The following ADGRG7 variants were observed in gnomAD, a reference collection of about 807,000 sequenced individuals.
ADGRG7 encodes the protein adhesion G protein-coupled receptor G7.
A neutral mutation model predicts 88.6 loss-of-function variants in ADGRG7; 82 were observed. The ratio of observed to expected loss-of-function variants is 0.93; its 90% CI spans 0.77 to 1.11. The LOEUF is 1.11. Among genes scored for constraint, ADGRG7 ranks in the 50% most tolerant of loss-of-function variants. ADGRG7 has a pLI of 0.00. For missense variants in ADGRG7, 945 were observed against 953.4 expected (o/e 0.99, Z 0.12); for synonymous variants, 381 against 345.2 (o/e 1.10, Z -1.15).
intron 5 of ADGRG7, 89 bp from the exon 6 acceptor site, chr3:100,637,213 T>A (rs1707559153): frequency 1.1e-6 from 1 of 874,610 alleles, no homozygotes; most frequent in Non-Finnish European, 1.9e-6. Flanking sequence ...GTGATGCCAC[T>A]TGCTACTACA....
intron 10 of ADGRG7, among the ~76,000 whole-genome samples, chr3:100,647,810 A>G (rs1015537806): frequency 6.6e-6 from 1 of 152,222 alleles, no homozygotes; most frequent in East Asian, 1.9e-4. Flanking sequence ...TATTAATGCT[A>G]TGAATCTCCC....
At position 100,609,876 on chromosome 3, in the gene ADGRG7, G is replaced by A. The variant is rs771119399; in HGVS notation, c.20G>A (p.Trp7Ter). Residue 7 changes from tryptophan to a stop codon, truncating the protein, a stop_gained, in exon 1 of 16, where the codon TGG (tryptophan) becomes TAG (stop). Transcript: ENST00000273352. LOFTEE classifies it high-confidence loss of function. ...TTCACCATGGCTTCCTGCCGTGCCT[G>A]GAACCTTAGGGTGCTGGTGGCTGTC... The part of the protein sequence containing the change: MASCRA[W>*]NLRVLVAVVC... 6.2e-7 allele frequency: 1 copy of A among 1,613,894 alleles called. No individual in the cohort carries two copies. The highest frequency in any genetic ancestry group is 8.5e-7 in the Non-Finnish European group (1 of 1,179,838).
chr3:100,645,268 T>C (rs1247001192), intron 8 of ADGRG7, among the ~76,000 whole-genome samples: 1 of 152,246 alleles, frequency 6.6e-6, no homozygotes, highest in Admixed American at 6.5e-5. Context: ...ACAGCAGCGA[T>C]GGTCTTTCAG....
chr3:100,623,902 A>G (rs1707346727), intron 1 of ADGRG7, among the ~76,000 whole-genome samples: 1 of 152,166 alleles, frequency 6.6e-6, no homozygotes, highest in Non-Finnish European at 1.5e-5. Context: ...ATGGCTGCAT[A>G]GTATTTCATG....
Position 100,694,857 on chromosome 3 carries a change from G to A in ADGRG7, c.2250G>A (p.Val750=). The A allele has an allele frequency of 1.2e-6, 2 of 1,614,208 alleles. No individual in the cohort carries two copies. The highest frequency in any genetic ancestry group is 1.7e-6 in the Non-Finnish European group (2 of 1,180,032). The stretch of plus-strand genomic sequence containing the variant: ...GGAGAAGGAAGTCATTGCCTTCAGT[G>A]ACGCGGCCGAGGCTGCGTGTAAAGA... ...SIGRRKSLPS[V]TRPRLRVKMY... is the part of the protein sequence containing the mutation. The change falls in exon 16 of 16, where the codon GTG becomes GTA. Residue 750 remains valine, a synonymous_variant. Coordinates refer to ENST00000273352, the MANE Select transcript of ADGRG7 (RefSeq NM_032787.3).
In ADGRG7 at chr3:100,629,687, T is replaced by A. The variant is rs757059835; in HGVS notation, c.205T>A (p.Trp69Arg). The A allele has an allele frequency of 2.5e-6, 4 of 1,611,346 alleles. No homozygotes were observed. In the Admixed American group the frequency reaches 6.7e-5, roughly 27 times the overall value. Reference sequence around the variant, plus strand: ...TGGCAGATGTATTTGTACAGAAGAGTGGAAAGGACTGAGATGTACAATTGG... The same window carrying A: ...TGGCAGATGTATTTGTACAGAAGAGAGGAAAGGACTGAGATGTACAATTGG... ...ENGRCICTEE[W>R]KGLRCTIANF... Residue 69 changes from tryptophan to arginine, a missense_variant, in exon 2 of 16, where the codon TGG (tryptophan) becomes AGG (arginine). Coordinates refer to ENST00000273352, the MANE Select transcript of ADGRG7 (RefSeq NM_032787.3).
In ADGRG7 at chr3:100,617,077, T is replaced by C. The variant is rs991128639; in HGVS notation, c.115+7106T>C. Among the ~76,000 whole-genome samples the C allele has an allele frequency of 9.2e-5, 14 of 152,240 alleles. No individual in the cohort carries two copies. In the South Asian group the frequency reaches 2.7e-3, roughly 29 times the overall value. ...CTAAAAAGTTTTCTTGATTGAAGGA[T>C]GACTTTTCAAGTAGGCAAAGCAAAA... On this transcript the variant is annotated intron_variant, in intron 1 of 15. Coordinates refer to ENST00000273352, the MANE Select transcript of ADGRG7 (RefSeq NM_032787.3).
intron 15 of ADGRG7, among the ~76,000 whole-genome samples, chr3:100,677,340 C>A (rs922289502): frequency 3.3e-5 from 5 of 151,986 alleles, no homozygotes; most frequent in African/African-American, 9.7e-5. Context: ...AACTAACAAA[C>A]AAAGAGAAAA....
chr3:100,664,321 A>G (rs2094949231), intron 14 of ADGRG7, among the ~76,000 whole-genome samples: 1 of 152,160 alleles, frequency 6.6e-6, no homozygotes, highest in Admixed American at 6.5e-5. Context: ...TTATTAACCT[A>G]GACGCAAAAC....
At chr3:100,638,992 GT>G (rs1174046718) in intron 6 of ADGRG7, among the ~76,000 whole-genome samples, 4 of 149,756 alleles carry the variant, frequency 2.7e-5, no homozygotes, top group African/African-American at 7.4e-5. Flanking sequence ...TATATTCCAG[GT>G]TTTTTTCCCT....
chr3:100,677,102 T>C (rs1052175357), intron 15 of ADGRG7, among the ~76,000 whole-genome samples: 2 of 152,114 alleles, frequency 1.3e-5, no homozygotes, highest in Non-Finnish European at 2.9e-5. Flanking sequence ...TGTGTTATTA[T>C]TGATACGTAA....
intron 13 of ADGRG7, among the ~76,000 whole-genome samples, chr3:100,659,412 C>G (rs1304064055): frequency 7.3e-6 from 1 of 137,800 alleles, no homozygotes; most frequent in African/African-American, 2.7e-5. Context: ...TGCAGTCCAG[C>G]CTGGGCGACA....
At chr3:100,667,023 A>G (rs1025056778) in intron 14 of ADGRG7, among the ~76,000 whole-genome samples, 3 of 152,148 alleles carry the variant, frequency 2.0e-5, no homozygotes, top group African/African-American at 7.2e-5. Context: ...AGTACAGAGC[A>G]AAATGGAGTC....
At chr3:100,639,951 T>A (rs72921079) in intron 6 of ADGRG7, among the ~76,000 whole-genome samples, 1,833 of 152,338 alleles carry the variant, frequency 0.012, 34 homozygotes, top group African/African-American at 0.041. Context: ...CAATTTCTCC[T>A]TTTATCACTC....
At chr3:100,673,028 G>A (rs1273326943) in intron 15 of ADGRG7, among the ~76,000 whole-genome samples, 3 of 151,974 alleles carry the variant, frequency 2.0e-5, no homozygotes, top group Admixed American at 2.0e-4. Context: ...TTTTGTGTGT[G>A]TGTGTGTCTC....
intron 6 of ADGRG7, among the ~76,000 whole-genome samples, chr3:100,640,727 G>T (rs572096267): frequency 1.3e-5 from 2 of 152,186 alleles, no homozygotes; most frequent in East Asian, 3.9e-4. Context: ...TCACCATGTT[G>T]ATCAGGCTAA....
At chr3:100,647,570 A>G (rs1707776192) in intron 10 of ADGRG7, among the ~76,000 whole-genome samples, 1 of 152,178 alleles carries the variant, frequency 6.6e-6, no homozygotes, top group East Asian at 1.9e-4. Context: ...CTAAAGCTAT[A>G]CTGTGCAAGT....
At position 100,610,635 on chromosome 3, in the gene ADGRG7, A is replaced by G. The variant is rs147610736; in HGVS notation, c.115+664A>G. On this transcript the variant is annotated intron_variant, in intron 1 of 15. Coordinates refer to ENST00000273352, the MANE Select transcript of ADGRG7 (RefSeq NM_032787.3). ...AAGTAGTGAGTAAAACAATGATGTT[A>G]AAGAAAAGCCCGCTGGAACTCAGAA... 9.0e-4 allele frequency among the ~76,000 whole-genome samples: 137 copies of G among 152,340 alleles called. 1 individual carries two copies. In the South Asian group the frequency reaches 0.012, roughly 14 times the overall value.
intron 15 of ADGRG7, among the ~76,000 whole-genome samples, chr3:100,692,496 A>T (rs973135112): frequency 6.6e-6 from 1 of 152,194 alleles, no homozygotes; most frequent in Non-Finnish European, 1.5e-5. Context: ...GGGAAATTAT[A>T]AAAGAGAGGT....
Sources: gnomAD v4.1 joint callset for allele counts (sites outside exome capture counted in the v4.1 genomes callset) on GRCh38, gnomAD v4.1.1 for gene constraint, MANE v1.5 for transcripts, NCBI Gene and HGNC (gene_info 2026-07-23, HGNC 2026-07-21) for gene names.